Variants in DNAH11 observed in about 807,000 individuals in gnomAD.
The protein encoded by DNAH11 is dynein axonemal heavy chain 11.
Under a neutral mutation model 526.0 loss-of-function variants are expected in DNAH11, and 442 were observed. That is an observed-to-expected ratio of 0.84 (90% CI 0.78 to 0.91). The LOEUF is 0.91. Among genes scored for constraint, DNAH11 ranks in the 40% least tolerant of loss-of-function variants. DNAH11 has a pLI of 0.00. For missense variants in DNAH11, 6,989 were observed against 5,448.7 expected (o/e 1.28, Z -8.90); for synonymous variants, 2,461 against 1,935.9 (o/e 1.27, Z -7.12).
intron 44 of DNAH11, among the ~76,000 whole-genome samples, chr7:21,723,748 C>G (rs1784972034): frequency 6.6e-6 from 1 of 151,132 alleles, no homozygotes; most frequent in Non-Finnish European, 1.5e-5. Context: ...ACTCCCCCAC[C>G]CCTCCACCCC....
chr7:21,814,515 C>G (rs1446831223), intron 63 of DNAH11, among the ~76,000 whole-genome samples: 41 of 114,434 alleles, frequency 3.6e-4, no homozygotes, highest in African/African-American at 1.1e-3. Context: ...TCCCTCCCCC[C>G]TCCCCCCACC....
Position 21,899,897 on chromosome 7 carries a change from A to G in DNAH11, c.13163-83A>G, listed in dbSNP as rs557077057. Reference sequence around the variant, plus strand: ...AACCTAAAACACCCTATGGGACTAAAGGATGCCTCAATTTACTGGTAGCTC... The same window carrying G: ...AACCTAAAACACCCTATGGGACTAAGGGATGCCTCAATTTACTGGTAGCTC... On this transcript the variant is annotated intron_variant, in intron 80 of 81. Transcript: ENST00000409508. 5.3e-4 allele frequency: 806 copies of G among 1,525,344 alleles called. 5 individuals carry two copies. Among genetic ancestry groups the G allele is most frequent in the Middle Eastern group, 1.6e-3 (9 of 5,634 alleles). The allele number at this position is 1,525,344 out of a possible 1,614,324, so 94.5% of individuals were successfully genotyped here.
At chr7:21,614,870 C>T (rs1785691694) in intron 20 of DNAH11, among the ~76,000 whole-genome samples, 1 of 152,198 alleles carries the variant, frequency 6.6e-6, no homozygotes, top group Non-Finnish European at 1.5e-5. Flanking sequence ...AGAAATTTTG[C>T]TAATACGTGT....
intron 54 of DNAH11, among the ~76,000 whole-genome samples, chr7:21,755,108 A>G (rs1429193657): frequency 1.3e-5 from 2 of 152,108 alleles, no homozygotes; most frequent in Admixed American, 1.3e-4. Context: ...CCCATTACCC[A>G]TGCTCACCGC....
At chr7:21,849,676 T>A (rs1782548538) in intron 66 of DNAH11, among the ~76,000 whole-genome samples, 1 of 152,230 alleles carries the variant, frequency 6.6e-6, no homozygotes, top group Admixed American at 6.5e-5. Context: ...AGAAGTTCCA[T>A]GTAATTGTTA....
chr7:21,900,136 G>T lies in DNAH11; in HGVS notation c.13303+16G>T. The T allele has an allele frequency of 1.3e-6, 2 of 1,596,862 alleles. No individual in the cohort carries two copies. The highest frequency in any genetic ancestry group is 1.7e-6 in the Non-Finnish European group (2 of 1,171,244). ...TTCATGGAGGGTAAGACACCCCAAG[G>T]GGTAAGTGGGGAACCTTTTCTTACT... On this transcript the variant is annotated intron_variant, in intron 81 of 81. Transcript: ENST00000409508.
At chr7:21,787,103 CAG>C (rs1477210361) in intron 59 of DNAH11, among the ~76,000 whole-genome samples, 2 of 152,144 alleles carry the variant, frequency 1.3e-5, no homozygotes, top group East Asian at 1.9e-4. Flanking sequence ...AGGTGAAGCA[CAG>C]GGGATTTTTG....
intron 65 of DNAH11, among the ~76,000 whole-genome samples, chr7:21,840,228 G>A (rs1022374042): frequency 1.3e-5 from 2 of 152,156 alleles, no homozygotes; most frequent in African/African-American, 2.4e-5. Context: ...GTCTGAATGC[G>A]ATAGAACATC....
rs771796985 is a variant in DNAH11, at chr7:21,749,800, A to C, written c.8796A>C (p.Ser2932=). 16 of 1,613,752 alleles carry C rather than the reference A, an allele frequency of 9.9e-6. No individual in the cohort carries two copies. The highest frequency in any genetic ancestry group is 1.0e-5 in the Non-Finnish European group (12 of 1,179,832). The stretch of plus-strand genomic sequence containing the variant: ...TGCTGATTAATGACTTGCTGGCATC[A>C]GGTGATTAAACCAACACATTTCTTG... ...FLVLINDLLA[S]GEIPDLFSDE... is the part of the protein sequence containing the mutation. The change falls in exon 53 of 82, where the codon TCA becomes TCC. Residue 2932 remains serine, a splice_region_variant and synonymous_variant. Transcript: ENST00000409508.
At chr7:21,786,277 T>C (rs1477181684) in intron 58 of DNAH11, among the ~76,000 whole-genome samples, 3 of 149,078 alleles carry the variant, frequency 2.0e-5, no homozygotes, top group African/African-American at 5.0e-5. Flanking sequence ...GGATAGAACC[T>C]ATAAATATCT....
At chr7:21,664,573 C>T (rs1583574811) in intron 30 of DNAH11, among the ~76,000 whole-genome samples, 2 of 152,054 alleles carry the variant, frequency 1.3e-5, no homozygotes, top group South Asian at 4.2e-4. Context: ...AACCTCCCGC[C>T]TCATGTTCCT....
intron 79 of DNAH11, among the ~76,000 whole-genome samples, chr7:21,896,162 A>G (rs931386639): frequency 4.6e-5 from 7 of 152,138 alleles, no homozygotes; most frequent in Non-Finnish European, 7.3e-5. Flanking sequence ...TTTGTGGTCA[A>G]TCATTATTTT....
chr7:21,730,959 C>T (rs1422946840), intron 45 of DNAH11, among the ~76,000 whole-genome samples: 1 of 152,116 alleles, frequency 6.6e-6, no homozygotes, highest in Non-Finnish European at 1.5e-5. Flanking sequence ...ACCTGGCCAA[C>T]ATGGCGAAAC....
chr7:21,683,764 T>C lies in DNAH11; in HGVS notation c.5461-20T>C. On this transcript the variant is annotated intron_variant, in intron 31 of 81. Coordinates refer to ENST00000409508, the MANE Select transcript of DNAH11 (RefSeq NM_001277115.2). ...CAAACTACCAGTGTCCTGCGTATGA[T>C]GATTATGCAATGCCTTTAGGTTGTC... 5 of 1,569,250 alleles carry C rather than the reference T, an allele frequency of 3.2e-6. No individual in the cohort carries two copies. The highest frequency in any genetic ancestry group is 3.5e-6 in the Non-Finnish European group (4 of 1,156,834).
chr7:21,620,650 G>C (rs903171948), intron 25 of DNAH11, among the ~76,000 whole-genome samples: 3 of 150,858 alleles, frequency 2.0e-5, no homozygotes, highest in African/African-American at 7.3e-5. Context: ...TGCCATGCTG[G>C]TGTGCTGCAC....
At chr7:21,813,418 G>T (rs1023612448) in intron 63 of DNAH11, among the ~76,000 whole-genome samples, 4 of 152,134 alleles carry the variant, frequency 2.6e-5, no homozygotes, top group Non-Finnish European at 4.4e-5. Context: ...TCTTGTAAGG[G>T]TTAAATGAAA....
In DNAH11 at chr7:21,717,757, T is replaced by G; in HGVS notation, c.6984-18T>G. 1 of 1,613,296 alleles carries G rather than the reference T, an allele frequency of 6.2e-7. No homozygotes were observed. Among genetic ancestry groups the G allele is most frequent in the Non-Finnish European group, 8.5e-7 (1 of 1,179,640 alleles). ...CAAGCCTAGTGTTCAATAAAAGCTT[T>G]TCTGTGTTCCTTTTCAGGTATGTGG... On this transcript the variant is annotated intron_variant, in intron 42 of 81. Transcript: ENST00000409508.
intron 57 of DNAH11, among the ~76,000 whole-genome samples, chr7:21,780,516 A>G (rs1474644064): frequency 3.3e-5 from 5 of 152,236 alleles, no homozygotes; most frequent in African/African-American, 2.4e-5. Context: ...TGTTCTAGTA[A>G]TTATATCATA....
In DNAH11 at chr7:21,584,947, CTA is replaced by C. The variant is rs1491346297; in HGVS notation, c.1710+2927_1710+2928del. Among the ~76,000 whole-genome samples, 47 of 143,356 alleles carry C rather than the reference CTA, an allele frequency of 3.3e-4. 4 individuals carry two copies. The highest frequency in any genetic ancestry group is 1.4e-3 in the African/African-American group (45 of 33,246). The allele number at this position is 143,356 out of a possible 152,430, so 94.0% of individuals were successfully genotyped here. On this transcript the variant is annotated intron_variant, in intron 9 of 81. Coordinates refer to ENST00000409508, the MANE Select transcript of DNAH11 (RefSeq NM_001277115.2). ...TTTTCTTTCTTGCTTTTACAAATAA[CTA>C]AAAAAAATGTAGAGTGAAATCTCAA...
Sources: gnomAD v4.1 joint callset for allele counts (sites outside exome capture counted in the v4.1 genomes callset) on GRCh38, gnomAD v4.1.1 for gene constraint, MANE v1.5 for transcripts, NCBI Gene and HGNC (gene_info 2026-07-23, HGNC 2026-07-21) for gene names.